PLCZ1: variants seen among roughly 807,000 people sequenced by gnomAD.
The protein encoded by PLCZ1 is 1-phosphatidylinositol 4,5-bisphosphate phosphodiesterase zeta-1.
Under a neutral mutation model 76.8 loss-of-function variants are expected in PLCZ1, and 64 were observed. That is an observed-to-expected ratio of 0.83 (90% confidence interval 0.68 to 1.03). The LOEUF (loss-of-function observed/expected upper bound fraction) is 1.03. Ranked by LOEUF, PLCZ1 falls within the 50% of genes least tolerant of loss-of-function variation. The probability of loss-of-function intolerance (pLI) is 0.00; values close to 1 mark genes in which losing one functional copy is unlikely to be tolerated. For missense variants in PLCZ1, 751 were observed against 713.7 expected, an observed-to-expected ratio of 1.05 and a Z score of -0.60; for synonymous variants, 248 against 230.8, an observed-to-expected ratio of 1.07 and a Z score of -0.68.
At chr12:18,674,648 A>C in the PLCZ1 span, among the ~76,000 whole-genome samples, 5 of 152,208 alleles carry the variant, frequency 3.3e-5, no homozygotes, top group Non-Finnish European at 7.3e-5. Flanking sequence ...AAACATGGTC[A>C]CAAATTTTTT....
intron 11 of PLCZ1, among the ~76,000 whole-genome samples, chr12:18,695,519 A>G (rs1333786205): frequency 6.6e-6 from 1 of 152,144 alleles, no homozygotes; most frequent in Admixed American, 6.6e-5. Flanking sequence ...AATTGTCGTT[A>G]CAATATGGAA....
At chr12:18,727,892 C>T (rs1958842593) in intron 3 of PLCZ1, among the ~76,000 whole-genome samples, 1 of 151,992 alleles carries the variant, frequency 6.6e-6, no homozygotes, top group Admixed American at 6.6e-5. Flanking sequence ...GTCTGAGGAC[C>T]ACAATAAGTA....
the PLCZ1 span, among the ~76,000 whole-genome samples, chr12:18,672,495 A>G: frequency 6.6e-6 from 1 of 152,226 alleles, no homozygotes; most frequent in African/African-American, 2.4e-5. Flanking sequence ...TAAAACAACT[A>G]TATAAAAATA....
chr12:18,680,687 C>G (rs617456), downstream of PLCZ1, among the ~76,000 whole-genome samples: 3,988 of 152,102 alleles, frequency 0.026, 108 homozygotes, highest in African/African-American at 0.069. Flanking sequence ...CAAAGACAAC[C>G]AGGAACACAC....
chr12:18,719,715 A>G (rs961808159), intron 4 of PLCZ1, 83 bp from the exon 5 acceptor site: 7 of 914,472 alleles, frequency 7.7e-6, no homozygotes, highest in African/African-American at 3.4e-5. Flanking sequence ...TTGTAAACTT[A>G]CTCAGTAGTA....
intron 5 of PLCZ1, among the ~76,000 whole-genome samples, chr12:18,718,051 G>A (rs767817738): frequency 6.6e-6 from 1 of 152,050 alleles, no homozygotes; most frequent in Non-Finnish European, 1.5e-5. Flanking sequence ...CAGTTTTTGG[G>A]GGTGCTTTGG....
chr12:18,650,700 GTGTGTATATATC>G, the PLCZ1 span, among the ~76,000 whole-genome samples: 129 of 43,788 alleles, frequency 2.9e-3, 1 homozygote, highest in East Asian at 3.6e-3. Context: ...GTGTGTGTGT[GTGTGTATATATC>G]TATATATATA....
intron 3 of PLCZ1, among the ~76,000 whole-genome samples, chr12:18,727,742 G>A (rs1450985589): frequency 1.3e-5 from 2 of 152,114 alleles, no homozygotes; most frequent in Non-Finnish European, 2.9e-5. Flanking sequence ...ATAGATTTTC[G>A]TTCTAGAAAG....
rs1052891113 is a variant in PLCZ1 at position 18,713,196 on chromosome 12, C to T, written c.570-210G>A. Among the ~76,000 whole-genome samples the T allele has an allele frequency of 2.0e-4, 31 of 152,156 alleles. 1 individual carries two copies. The highest frequency in any genetic ancestry group is 6.0e-4 in the African/African-American group (25 of 41,548). On this transcript the variant is annotated intron_variant, in intron 5 of 14. Transcript: ENST00000266505. The stretch of plus-strand genomic sequence containing the variant: ...CACATACTATCTGTGTAGTACAATA[C>T]TGTGTCTTTCTCGCTAGTCAAATGT...
chr12:18,717,060 T>C (rs1213421658), intron 5 of PLCZ1, among the ~76,000 whole-genome samples: 1 of 152,054 alleles, frequency 6.6e-6, no homozygotes, highest in Non-Finnish European at 1.5e-5. Context: ...CAAGGAAAAA[T>C]ATTTTGAAAG....
the PLCZ1 span, among the ~76,000 whole-genome samples, chr12:18,648,570 A>G: frequency 6.6e-6 from 1 of 152,172 alleles, no homozygotes; most frequent in Non-Finnish European, 1.5e-5. Flanking sequence ...AAATTCTTAC[A>G]TTCAATTGTT....
At chr12:18,679,965 TG>T (rs987492600), downstream of PLCZ1, among the ~76,000 whole-genome samples, 17 of 152,010 alleles carry the variant, frequency 1.1e-4, no homozygotes, top group Admixed American at 9.2e-4. Context: ...GGGTTTCCAG[TG>T]GCTGGTAGAA....
chr12:18,698,698 A>G (rs1228545977), intron 10 of PLCZ1, among the ~76,000 whole-genome samples: 2 of 152,158 alleles, frequency 1.3e-5, no homozygotes, highest in Non-Finnish European at 2.9e-5. Flanking sequence ...AGATATTTTG[A>G]CAAAGATATA....
In PLCZ1 at chr12:18,705,050, G is replaced by A. The variant is rs186744860; in HGVS notation, c.864+116C>T. On this transcript the variant is annotated intron_variant, in intron 7 of 14. Transcript: ENST00000266505. ...ACATTGCAAAAATAAACCTCTATAC[G>A]TGATCAAAACTAAGCATTTTCATTG... is the stretch of plus-strand genomic sequence containing the variant. The A allele has an allele frequency of 7.9e-5, 101 of 1,280,856 alleles. 1 individual carries two copies. Among genetic ancestry groups the A allele is most frequent in the South Asian group, 6.0e-4 (50 of 83,094 alleles). 79.3% of individuals were successfully genotyped at this position (1,280,856 alleles called of 1,614,324 possible).
At chr12:18,651,253 G>C in the PLCZ1 span, among the ~76,000 whole-genome samples, 101,016 of 151,664 alleles carry the variant, frequency 0.67, 33,954 homozygotes, top group East Asian at 0.9. Flanking sequence ...GTATCCATTT[G>C]CCTAGCTCCC....
intron 12 of PLCZ1, among the ~76,000 whole-genome samples, chr12:18,690,987 A>G (rs1161609618): frequency 6.6e-6 from 1 of 152,156 alleles, no homozygotes; most frequent in Non-Finnish European, 1.5e-5. Flanking sequence ...CTCTCCGGTC[A>G]ACTTGTGGAG....
chr12:18,671,802 C>T, the PLCZ1 span, among the ~76,000 whole-genome samples: 1 of 152,110 alleles, frequency 6.6e-6, no homozygotes, highest in Non-Finnish European at 1.5e-5. Flanking sequence ...CATGGAGGGG[C>T]TACAAACAAT....
In PLCZ1 at chr12:18,723,540, G is replaced by C; in HGVS notation, c.138C>G (p.Asp46Glu). 1.2e-6 allele frequency: 2 copies of C among 1,609,682 alleles called. No individual in the cohort carries two copies. Among genetic ancestry groups the C allele is most frequent in the Non-Finnish European group, 1.7e-6 (2 of 1,177,506 alleles). Reference protein sequence around the residue: ...SYIHVKQIFKDNDRLKQGRIT... With the variant: ...SYIHVKQIFKENDRLKQGRIT... ...TTCTTCCTTGTTTCAGCCTGTCATT[G>C]TCCTACTAAAAAAATGACTGGTGGG... Residue 46 changes from aspartate (D) to glutamate (E), a missense_variant and splice_region_variant, in exon 4 of 15, where the codon GAC (aspartate) becomes GAG (glutamate). Asp to Glu is a conservative substitution (Grantham distance 45). Coordinates refer to ENST00000266505, the MANE Select transcript of PLCZ1 (RefSeq NM_033123.4).
chr12:18,648,926 A>C, the PLCZ1 span, among the ~76,000 whole-genome samples: 1 of 151,982 alleles, frequency 6.6e-6, no homozygotes, highest in Non-Finnish European at 1.5e-5. Flanking sequence ...TGCTTATTCA[A>C]TGTTTCCCTG....
Sources: allele counts gnomAD v4.1 joint callset (sites outside exome capture counted in the v4.1 genomes callset), GRCh38; gene constraint gnomAD v4.1.1; transcripts MANE v1.5; gene names NCBI Gene and HGNC (gene_info 2026-07-23, HGNC 2026-07-21).